Variants in MUC4 observed in about 807,000 individuals in gnomAD.
MUC4 encodes mucin-4.
Under a neutral mutation model 257.9 loss-of-function variants are expected in MUC4, and 202 were observed. The ratio of observed to expected loss-of-function variants is 0.78; its 90% confidence interval spans 0.70 to 0.88. The LOEUF (loss-of-function observed/expected upper bound fraction) is 0.88. MUC4 is among the 40% of genes least tolerant of loss of function. MUC4 has a pLI of 0.00. For synonymous variants in MUC4, 2,351 were observed against 2,757.1 expected (o/e 0.85, Z 4.62); for missense variants, 5,976 against 6,513.7 (o/e 0.92, Z 2.84).
intron 15 of MUC4, 27 bp from the exon 16 acceptor site, chr3:195,761,144 C>A: frequency 1.3e-6 from 2 of 1,590,810 alleles, no homozygotes; most frequent in African/African-American, 1.3e-5. Flanking sequence ...GCGGTGGTAC[C>A]AGGCATGGCA....
chr3:195,754,087 G>A (rs912281487), intron 19 of MUC4, 126 bp downstream of exon 19: 73 of 1,296,412 alleles, frequency 5.6e-5, no homozygotes, highest in Non-Finnish European at 7.2e-5. Context: ...TCCCACACCT[G>A]CCTAGATTGA....
At chr3:195,761,263 C>A (rs1403267621) in intron 15 of MUC4, 146 bp from the exon 16 acceptor site, 4 of 784,678 alleles carry the variant, frequency 5.1e-6, no homozygotes, top group Non-Finnish European at 8.3e-6. Context: ...AGTCTAGAAA[C>A]ACCTGCTGCA....
rs1462193492 is a variant in MUC4, at chr3:195,779,128, G to T, written c.12452C>A (p.Ser4151Tyr). ...DTTPLPVTIPSSASSGHTTSL... is the reference protein window; with the variant it reads ...DTTPLPVTIPYSASSGHTTSL... ...GGTGGTGTGACCTGAGGATGCTGAG[G>T]AAGGGATGGTGACAGGAAGAGGCGT... The change falls in exon 2 of 25, where the codon TCC (serine) becomes TAC (tyrosine). Residue 4151 changes from serine (S) to tyrosine (Y), a missense_variant. This residue lies in a region of MUC4 where 293 missense variants were observed against 294.5 expected (regional missense o/e 1.00). Transcript: ENST00000463781. 1 of 1,520,584 alleles carries T rather than the reference G, an allele frequency of 6.6e-7. No individual in the cohort carries two copies. The highest frequency in any genetic ancestry group is 8.8e-7 in the Non-Finnish European group (1 of 1,131,646). The allele number at this position is 1,520,584 out of a possible 1,614,324, so 94.2% of individuals were successfully genotyped here. A position where few individuals can be genotyped will look rare whatever the true frequency, so the allele number is the denominator to read the frequency against.
intron 20 of MUC4, among the ~76,000 whole-genome samples, chr3:195,752,775 G>A (rs1560221195): frequency 6.6e-6 from 1 of 152,196 alleles, no homozygotes; most frequent in Non-Finnish European, 1.5e-5. Flanking sequence ...ACTCCACTAT[G>A]CTCCGGGCCT....
chr3:195,762,443 TGGCCCTGCACCGCCACGCACCG>T (rs1434692442), intron 13 of MUC4, among the ~76,000 whole-genome samples, 189 bp from the exon 14 acceptor site: 115 of 116,960 alleles, frequency 9.8e-4, no homozygotes, highest in Middle Eastern at 4.1e-3. Flanking sequence ...TGCGCTCTCT[TGGCCCTGCACCGCCACGCACCG>T]GGCCCTGCAC....
chr3:195,765,018 C>G lies in MUC4; in HGVS notation c.13903G>C (p.Val4635Leu), dbSNP rs111517228. The G allele has an allele frequency of 6.2e-7, 1 of 1,613,774 alleles. No homozygotes were observed. Among genetic ancestry groups the G allele is most frequent in the African/African-American group, 1.3e-5 (1 of 74,896 alleles). ...GCACCCAACTGCCAAGGACGCTGCACGTGCCAGCCTTCACGAAACTCTCCC... is the reference window on the plus strand; with the variant it reads ...GCACCCAACTGCCAAGGACGCTGCAGGTGCCAGCCTTCACGAAACTCTCCC... ...PWGEFREGWH[V>L]QRPWQLAQEL... Residue 4635 changes from valine (V) to leucine (L), a missense_variant, in exon 10 of 25, where the codon GTG (valine) becomes CTG (leucine). Coordinates refer to ENST00000463781, the MANE Select transcript of MUC4 (RefSeq NM_018406.7).
chr3:195,751,316 C>T lies in MUC4; in HGVS notation c.15583-45G>A, dbSNP rs371423242. 2.9e-4 allele frequency: 415 copies of T among 1,455,240 alleles called. 1 individual carries two copies. The highest frequency in any genetic ancestry group is 3.8e-4 in the Non-Finnish European group (401 of 1,050,802). The allele number at this position is 1,455,240 out of a possible 1,614,324, so 90.1% of individuals were successfully genotyped here. A position where few individuals can be genotyped will look rare whatever the true frequency, so the allele number is the denominator to read the frequency against. On this transcript the variant is annotated intron_variant, in intron 21 of 24. Transcript: ENST00000463781. ...ATGGGGGTGGGGGTGAGGCCCCATC[C>T]GGGGGGGAGACGCCCTCCCACCTTG...
At chr3:195,771,429 G>GCGGCCGGGT in intron 5 of MUC4, among the ~76,000 whole-genome samples, 1 of 151,492 alleles carries the variant, frequency 6.6e-6, no homozygotes, top group Non-Finnish European at 1.5e-5. Context: ...GGTCAGTCTC[G>GCGGCCGGGT]TGGTTGGGTT....
chr3:195,802,347 G>A (rs953717717), intron 1 of MUC4, among the ~76,000 whole-genome samples: 15 of 140,774 alleles, frequency 1.1e-4, no homozygotes, highest in African/African-American at 3.2e-4. Context: ...TGACTACTGC[G>A]GCAGCCTCCT....
At chr3:195,751,408 G>A in intron 21 of MUC4, 137 bp from the exon 22 acceptor site, 1 of 699,760 alleles carries the variant, frequency 1.4e-6, no homozygotes, top group Non-Finnish European at 2.6e-6. Flanking sequence ...TTCCTCACCT[G>A]TCTCTGCACC....
intron 3 of MUC4, among the ~76,000 whole-genome samples, chr3:195,775,358 T>C (rs1280101511): frequency 6.6e-6 from 1 of 151,834 alleles, no homozygotes; most frequent in African/African-American, 2.4e-5. Flanking sequence ...GGGACGACTT[T>C]CTGCAGCCAT....
rs764223160 is a variant in MUC4 at position 195,753,123 on chromosome 3, T to C, written c.15436A>G (p.Thr5146Ala). 3.7e-6 allele frequency: 6 copies of C among 1,612,476 alleles called. No individual in the cohort carries two copies. Among genetic ancestry groups the C allele is most frequent in the Non-Finnish European group, 5.1e-6 (6 of 1,179,432 alleles). ...SQTLGCQPMC[T>A]CPPAFTDSRC... is the part of the protein sequence containing the mutation. ...CTGTCAGTGAAGGCTGGGGGGCAGGTGCACATGGGCTGACAGCCCAGAGTC... is the reference window on the plus strand; with the variant it reads ...CTGTCAGTGAAGGCTGGGGGGCAGGCGCACATGGGCTGACAGCCCAGAGTC... The change falls in exon 20 of 25, where the codon ACC (threonine) becomes GCC (alanine). Residue 5146 changes from threonine to alanine, a missense_variant. Physicochemically the swap from Thr to Ala is moderately conservative, Grantham distance 58. This residue lies in a region of MUC4 where 996 missense variants were observed against 1,137.3 expected (regional missense o/e 0.88). Coordinates refer to ENST00000463781, the MANE Select transcript of MUC4 (RefSeq NM_018406.7).
Position 195,784,604 on chromosome 3 carries a change from G to T in MUC4, c.6976C>A (p.Leu2326Ile), listed in dbSNP as rs1278832575. 3.7e-6 allele frequency: 5 copies of T among 1,356,884 alleles called. No homozygotes were observed. Among genetic ancestry groups the T allele is most frequent in the Admixed American group, 2.3e-5 (1 of 44,170 alleles). 84.1% of individuals were successfully genotyped at this position (1,356,884 alleles called of 1,614,324 possible). A position where few individuals can be genotyped will look rare whatever the true frequency, so the allele number is the denominator to read the frequency against. Residue 2326 changes from leucine to isoleucine, a missense_variant, in exon 2 of 25, where the codon CTT (leucine) becomes ATT (isoleucine). This residue lies in a region of MUC4 where 62 missense variants were observed against 74.0 expected (regional missense o/e 0.84). Transcript: ENST00000463781. ...GTGTCACCTGTGGATGCTGAGGAAA[G>T]GCTGGTGACAGGAAGAGGGGTGGCG... The part of the protein sequence containing the change: ...GHATPLPVTS[L>I]SSASTGDTTP...
chr3:195,789,730 T>A lies in MUC4; in HGVS notation c.1850A>T (p.Asn617Ile). The A allele has an allele frequency of 6.2e-7, 1 of 1,613,958 alleles. No individual in the cohort carries two copies. Among genetic ancestry groups the A allele is most frequent in the Non-Finnish European group, 8.5e-7 (1 of 1,179,858 alleles). Reference protein sequence around the residue: ...SQQITTAPSTNHSTIHSTSTS... With the variant: ...SQQITTAPSTIHSTIHSTSTS... ...GCTTGTGGAATGTATTGTTGAATGA[T>A]TTGTTGATGGTGCCGTTGTAATTTG... The change falls in exon 2 of 25, where the codon AAT (asparagine) becomes ATT (isoleucine). Residue 617 changes from asparagine (N) to isoleucine (I), a missense_variant. Coordinates refer to ENST00000463781, the MANE Select transcript of MUC4 (RefSeq NM_018406.7).
chr3:195,806,651 A>G (rs1020148767), intron 1 of MUC4, among the ~76,000 whole-genome samples: 3 of 152,164 alleles, frequency 2.0e-5, no homozygotes, highest in African/African-American at 4.8e-5. Context: ...AGGGTGTGTG[A>G]ATGCTTCTGT....
At chr3:195,774,934 C>A (rs1186538113) in intron 3 of MUC4, among the ~76,000 whole-genome samples, 2 of 150,940 alleles carry the variant, frequency 1.3e-5, no homozygotes, top group Middle Eastern at 3.2e-3. Flanking sequence ...AAAAGTCCAG[C>A]GCAATGAAGA....
Position 195,771,844 on chromosome 3 carries a change from T to C in MUC4, c.13078-28A>G, listed in dbSNP as rs757337512. The C allele has an allele frequency of 1.1e-5, 18 of 1,607,424 alleles. No individual in the cohort carries two copies. In the Admixed American group the frequency reaches 1.7e-4, roughly 15 times the overall value. ...GAGCACATGGGTTTTGTGGTCAGCA[T>C]TCAGGGAGGGAAGTGGGGAGGAAAG... On this transcript the variant is annotated intron_variant, in intron 4 of 24. Coordinates refer to ENST00000463781, the MANE Select transcript of MUC4 (RefSeq NM_018406.7).
At chr3:195,764,929 G>T (rs867730084) in intron 10 of MUC4, 68 bp downstream of exon 10, 9 of 1,582,296 alleles carry the variant, frequency 5.7e-6, no homozygotes, top group Non-Finnish European at 6.0e-6. Context: ...GAATGAGGAC[G>T]AGAGGCTTCA....
At chr3:195,794,252 C>A (rs1168473300) in intron 1 of MUC4, among the ~76,000 whole-genome samples, 1 of 151,836 alleles carries the variant, frequency 6.6e-6, no homozygotes, top group Non-Finnish European at 1.5e-5. Context: ...AGTCTCTGAA[C>A]CAAGAAGAAA....
Sources: gnomAD v4.1 joint callset for allele counts (sites outside exome capture counted in the v4.1 genomes callset) on GRCh38, gnomAD v4.1.1 for gene constraint, gnomAD v4.1.1 regional missense constraint, MANE v1.5 for transcripts, NCBI Gene and HGNC (gene_info 2026-07-23, HGNC 2026-07-21) for gene names.